The following NAV1 variants were observed in gnomAD, a reference collection of about 807,000 sequenced individuals.
NAV1 encodes pore membrane and/or filament interacting like protein 3.
NAV1 carries 18 observed loss-of-function variants against 175.2 expected under a neutral mutation model. The ratio of observed to expected loss-of-function variants is 0.10; its 90% CI spans 0.07 to 0.15. The LOEUF (loss-of-function observed/expected upper bound fraction) is 0.15, where lower values mean the gene tolerates loss of function less well. NAV1 is among the 10% of genes least tolerant of loss of function. The probability of loss-of-function intolerance (pLI) is 1.00; values close to 1 mark genes in which losing one functional copy is unlikely to be tolerated. For synonymous variants in NAV1, 897 were observed against 978.7 expected (o/e 0.92, Z 1.56); for missense variants, 1,731 against 2,436.6 (o/e 0.71, Z 6.10).
At chr1:201,684,757 G>A (rs953086410) in intron 1 of NAV1, among the ~76,000 whole-genome samples, 1 of 151,878 alleles carries the variant, frequency 6.6e-6, no homozygotes, top group African/African-American at 2.4e-5. Flanking sequence ...TTACAGGCGT[G>A]AGCCACTGTG....
rs114392522 is a variant in NAV1, at chr1:201,635,721, C to T, written c.4+6214C>T. On this transcript the variant is annotated intron_variant, in intron 2 of 29. Transcript: ENST00000367302. ...ATTACCCCCTATACCCAATACCTAC[C>T]TGTCCTTGACTTGGCAGCCTCTTAG... Among the ~76,000 whole-genome samples the T allele has an allele frequency of 5.9e-3, 893 of 152,304 alleles. 6 individuals carry two copies. The highest frequency in any genetic ancestry group is 0.02 in the African/African-American group (835 of 41,546).
At chr1:201,659,864 C>T (rs1435486125) in intron 1 of NAV1, among the ~76,000 whole-genome samples, 2 of 152,166 alleles carry the variant, frequency 1.3e-5, no homozygotes, top group East Asian at 1.9e-4. Context: ...CTTCATCTCT[C>T]TCTGTTCCTT....
In NAV1 at chr1:201,800,238, C is replaced by A. The variant is rs571141437; in HGVS notation, c.3518-3355C>A. 1.6e-4 allele frequency among the ~76,000 whole-genome samples: 24 copies of A among 152,314 alleles called. 1 individual carries two copies. In the South Asian group the frequency reaches 2.7e-3, roughly 17 times the overall value. On this transcript the variant is annotated intron_variant, in intron 15 of 29. Coordinates refer to ENST00000367296, the Ensembl canonical transcript of NAV1. ...CTAGTCTCAAACTCCTGGACTCAAG[C>A]AATCCACCCACCTGGGCCTCCCAGA...
chr1:201,762,121 C>T (rs1384378733), intron 3 of NAV1, among the ~76,000 whole-genome samples: 4 of 152,206 alleles, frequency 2.6e-5, no homozygotes, highest in Non-Finnish European at 4.4e-5. Context: ...GTTTGCACCA[C>T]TGCATTCCAG....
intron 3 of NAV1, among the ~76,000 whole-genome samples, chr1:201,727,933 C>G (rs375598746): frequency 6.6e-6 from 1 of 152,022 alleles, no homozygotes; most frequent in Non-Finnish European, 1.5e-5. Flanking sequence ...TTCCTGAGTT[C>G]GAGTCACAGG....
chr1:201,775,682 G>A (rs189613892), intron 3 of NAV1, among the ~76,000 whole-genome samples: 4 of 152,290 alleles, frequency 2.6e-5, no homozygotes, highest in African/African-American at 9.6e-5. Context: ...GAATGTCTCC[G>A]AGAGTTGAAA....
At chr1:201,588,930 C>A (rs1483024121) in intron 2 of NAV1, among the ~76,000 whole-genome samples, 1 of 152,070 alleles carries the variant, frequency 6.6e-6, no homozygotes, top group Non-Finnish European at 1.5e-5. Context: ...TCACTGCAAC[C>A]TCTGCCTCCT....
chr1:201,639,160 T>A lies in NAV1; in HGVS notation c.5-9474T>A, dbSNP rs191104035. Among the ~76,000 whole-genome samples, 32 of 152,262 alleles carry A rather than the reference T, an allele frequency of 2.1e-4. No homozygotes were observed. The East Asian group carries it at 6.2e-3, about 29-fold the overall frequency. ...AAAGGTGCAGGGGTGGGGTCAGGCC[T>A]GGAGCAGGGGCATTTAGAGGAAAGC... On this transcript the variant is annotated intron_variant, in intron 2 of 29. Transcript: ENST00000367302.
chr1:201,689,878 G>T (rs1670834240), intron 1 of NAV1, among the ~76,000 whole-genome samples: 1 of 152,228 alleles, frequency 6.6e-6, no homozygotes, highest in Non-Finnish European at 1.5e-5. Flanking sequence ...TTCCTCCATG[G>T]CCTGTCTGTG....
In NAV1 at chr1:201,652,893, C is replaced by T. The variant is rs966451424; in HGVS notation, c.757+3468C>T. Among the ~76,000 whole-genome samples, 32 of 152,330 alleles carry T rather than the reference C, an allele frequency of 2.1e-4. 1 individual carries two copies. In the Middle Eastern group the frequency reaches 0.01, roughly 49 times the overall value. ...TCAAAAATGCATTGAATACACCTCA[C>T]GTACCGAACGTCACAGCTCAGCCTA... On this transcript the variant is annotated intron_variant, in intron 1 of 29. Coordinates refer to ENST00000367296, the Ensembl canonical transcript of NAV1.
intron 3 of NAV1, among the ~76,000 whole-genome samples, chr1:201,759,740 A>G (rs1674725939): frequency 1.3e-5 from 2 of 152,208 alleles, no homozygotes; most frequent in Non-Finnish European, 2.9e-5. Context: ...TTGCTTTGCT[A>G]CAATGGAAAT....
chr1:201,604,859 G>T (rs955455622), intron 2 of NAV1, among the ~76,000 whole-genome samples: 7 of 152,132 alleles, frequency 4.6e-5, no homozygotes, highest in Non-Finnish European at 1.5e-5. Context: ...CATCGAGGAA[G>T]GGGTGGAGTG....
At chr1:201,669,291 G>C (rs904742271) in intron 1 of NAV1, among the ~76,000 whole-genome samples, 1 of 152,256 alleles carries the variant, frequency 6.6e-6, no homozygotes, top group Non-Finnish European at 1.5e-5. Flanking sequence ...CAAAGATTTG[G>C]ATTAGAGAGG....
intron 1 of NAV1, among the ~76,000 whole-genome samples, chr1:201,701,009 C>CAAAAAAAAAAAAAAAAAA (rs386369321): frequency 3.8e-4 from 20 of 52,736 alleles, no homozygotes; most frequent in East Asian, 1.5e-3. Context: ...GACTCTGTCT[C>CAAAAAAAAAAAAAAAAAA]AAAAAAAAAA....
At chr1:201,815,826 CCT>C (rs1282009498) in intron 28 of NAV1, among the ~76,000 whole-genome samples, 33 of 152,104 alleles carry the variant, frequency 2.2e-4, no homozygotes, top group Admixed American at 2.2e-3. Context: ...GCAACCTCCA[CCT>C]CTCAGGTTCA....
intron 1 of NAV1, among the ~76,000 whole-genome samples, chr1:201,569,931 T>C (rs755386489): frequency 6.6e-6 from 1 of 152,202 alleles, no homozygotes; most frequent in Non-Finnish European, 1.5e-5. Context: ...CTGTTTTACT[T>C]GTGAAATAAT....
chr1:201,632,243 G>T (rs969497442), intron 2 of NAV1, among the ~76,000 whole-genome samples: 1 of 152,228 alleles, frequency 6.6e-6, no homozygotes, highest in Admixed American at 6.5e-5. Context: ...TATAGCAGGA[G>T]AATTTCCCAT....
At chr1:201,673,265 C>G (rs1449633969) in intron 1 of NAV1, 2 of 152,208 alleles carry the variant, frequency 1.3e-5, no homozygotes, top group African/African-American at 2.4e-5. Context: ...ACAGATGGGC[C>G]GCGGCATCTA....
intron 2 of NAV1, among the ~76,000 whole-genome samples, chr1:201,638,122 C>A (rs948796276): frequency 2.0e-5 from 3 of 152,128 alleles, no homozygotes; most frequent in Non-Finnish European, 1.5e-5. Flanking sequence ...TCCCTCCACC[C>A]AATTTCTTAG....
Sources: gnomAD v4.1 joint callset for allele counts (sites outside exome capture counted in the v4.1 genomes callset) on GRCh38, gnomAD v4.1.1 for gene constraint, MANE v1.5 for transcripts, NCBI Gene and HGNC (gene_info 2026-07-23, HGNC 2026-07-21) for gene names.